MLIP: variants seen among roughly 807,000 people sequenced by gnomAD.
The protein encoded by MLIP is muscular LMNA interacting protein.
In MLIP, 79 loss-of-function variants were observed where a neutral mutation model predicts 84.8. The ratio of observed to expected loss-of-function variants is 0.93; its 90% confidence interval spans 0.78 to 1.12. MLIP has a LOEUF of 1.12. MLIP is among the 50% of genes most tolerant of loss of function. MLIP has a pLI of 0.00. For missense variants in MLIP, 1,257 were observed against 1,160.6 expected, an observed-to-expected ratio of 1.08 and a Z score of -1.21; for synonymous variants, 504 against 463.0, an observed-to-expected ratio of 1.09 and a Z score of -1.14.
intron 9 of MLIP, among the ~76,000 whole-genome samples, chr6:54,183,689 G>A (rs1432883207): frequency 6.6e-6 from 1 of 151,452 alleles, no homozygotes; most frequent in African/African-American, 2.4e-5. Flanking sequence ...GATATTATGA[G>A]GGGCGTATTA....
At chr6:54,069,818 T>C (rs12525501) in intron 1 of MLIP, among the ~76,000 whole-genome samples, 3,122 of 99,918 alleles carry the variant, frequency 0.031, 1,063 homozygotes, top group Admixed American at 0.25. Context: ...TCAACTGTAT[T>C]TTTAATTTGA....
intron 3 of MLIP, among the ~76,000 whole-genome samples, chr6:54,128,835 ATACATG>A (rs1321010872): frequency 4.6e-5 from 7 of 152,174 alleles, no homozygotes; most frequent in African/African-American, 1.7e-4. Flanking sequence ...AAATGAGATA[ATACATG>A]TAAAGTGCCT....
intron 1 of MLIP, among the ~76,000 whole-genome samples, 192 bp downstream of exon 1, chr6:54,111,767 GA>G (rs1769486267): frequency 1.3e-5 from 2 of 152,172 alleles, no homozygotes; most frequent in African/African-American, 4.8e-5. Context: ...ATTGGGCAAA[GA>G]AAATGCTCAG....
At chr6:54,097,441 A>G (rs985860165) in intron 1 of MLIP, among the ~76,000 whole-genome samples, 2 of 152,220 alleles carry the variant, frequency 1.3e-5, no homozygotes, top group South Asian at 2.1e-4. Flanking sequence ...GAGGCTGAAG[A>G]GTATCCCTTC....
Position 54,185,324 on chromosome 6 carries a change from T to C in MLIP, c.2545-4546T>C, listed in dbSNP as rs146424167. Among the ~76,000 whole-genome samples, 1,023 of 152,274 alleles carry C rather than the reference T, an allele frequency of 6.7e-3. 33 individuals carry two copies. Among genetic ancestry groups the C allele is most frequent in the Admixed American group, 0.06 (915 of 15,300 alleles). On this transcript the variant is annotated intron_variant, in intron 9 of 13. Coordinates refer to ENST00000502396, the MANE Select transcript of MLIP (RefSeq NM_001281747.2). ...TAGTATTATGCATATCCACTCCACA[T>C]TGTGGTTTACATTTAATTTTGCACT...
At chr6:54,028,248 T>A (rs992002042) in intron 1 of MLIP, among the ~76,000 whole-genome samples, 20 of 152,184 alleles carry the variant, frequency 1.3e-4, no homozygotes, top group Admixed American at 5.9e-4. Flanking sequence ...GGGTATTTTC[T>A]TGCATGGGTA....
At chr6:54,249,617 A>G (rs926497748) in intron 12 of MLIP, among the ~76,000 whole-genome samples, 6 of 151,738 alleles carry the variant, frequency 4.0e-5, no homozygotes, top group African/African-American at 1.5e-4. Flanking sequence ...AAAACCAATC[A>G]ACTAGTGTTT....
In MLIP at chr6:54,135,046, T is replaced by A. The variant is rs183061715; in HGVS notation, c.646-1669T>A. On this transcript the variant is annotated intron_variant, in intron 3 of 13. Transcript: ENST00000502396. Reference sequence around the variant, plus strand: ...AAAGAACAATTTCTTAAACATTAATTATGTATTTAACTAAAATGATTGCAT... The same window carrying A: ...AAAGAACAATTTCTTAAACATTAATAATGTATTTAACTAAAATGATTGCAT... 7.2e-5 allele frequency among the ~76,000 whole-genome samples: 11 copies of A among 152,192 alleles called. 1 individual carries two copies. In the East Asian group the frequency reaches 2.1e-3, roughly 29 times the overall value.
intron 13 of MLIP, among the ~76,000 whole-genome samples, chr6:54,264,285 A>C (rs186607827): frequency 0.011 from 1,704 of 152,182 alleles, 23 homozygotes; most frequent in South Asian, 0.018. Context: ...CATCTACATC[A>C]TATATGCTCA....
intron 4 of MLIP, among the ~76,000 whole-genome samples, chr6:54,140,060 A>G (rs1276611462): frequency 6.6e-6 from 1 of 152,184 alleles, no homozygotes; most frequent in African/African-American, 2.4e-5. Flanking sequence ...TATTTTAAAT[A>G]CATATATGTG....
chr6:54,090,876 T>G (rs1250974483), intron 1 of MLIP, among the ~76,000 whole-genome samples: 1 of 152,202 alleles, frequency 6.6e-6, no homozygotes, highest in African/African-American at 2.4e-5. Context: ...ACAAAGTGAC[T>G]TTGTTAATGA....
chr6:54,230,973 T>C (rs1423112428), intron 12 of MLIP, 56 bp downstream of exon 12: 3 of 1,508,322 alleles, frequency 2.0e-6, no homozygotes, highest in Non-Finnish European at 1.8e-6. Context: ...TTCATTACGC[T>C]TGACTTTTAA....
intron 13 of MLIP, among the ~76,000 whole-genome samples, chr6:54,258,121 A>G (rs779034278): frequency 1.4e-4 from 22 of 152,074 alleles, no homozygotes; most frequent in Non-Finnish European, 3.1e-4. Context: ...TAAAAAACTT[A>G]TCTCTGAGAA....
Position 54,138,144 on chromosome 6 carries a change from T to G in MLIP, c.2075T>G (p.Leu692Arg), listed in dbSNP as rs1289419077. ...GGCAGTGGTACCTTGCCTTCAAGAC[T>G]TGGGAAATCTGAAAGCACCACCCCC... ...HCGSGTLPSR[L>R]GKSESTTPNH... is the part of the protein sequence containing the mutation. The change falls in exon 4 of 14, where the codon CTT becomes CGT. Residue 692 changes from leucine (L) to arginine (R), a missense_variant. By Grantham distance (102) the Leu-to-Arg change is moderately radical. Coordinates refer to ENST00000502396, the MANE Select transcript of MLIP (RefSeq NM_001281747.2). The G allele has an allele frequency of 3.9e-6, 6 of 1,535,966 alleles. No individual in the cohort carries two copies. Among genetic ancestry groups the G allele is most frequent in the Non-Finnish European group, 4.4e-6 (5 of 1,146,888 alleles).
At chr6:54,162,798 G>A (rs1774784480) in intron 8 of MLIP, among the ~76,000 whole-genome samples, 1 of 152,006 alleles carries the variant, frequency 6.6e-6, no homozygotes, top group Non-Finnish European at 1.5e-5. Flanking sequence ...TGTGTTTGAA[G>A]CTGATCAGAG....
At chr6:54,263,598 T>A (rs1783521107) in intron 13 of MLIP, among the ~76,000 whole-genome samples, 1 of 152,092 alleles carries the variant, frequency 6.6e-6, no homozygotes, top group African/African-American at 2.4e-5. Context: ...TATTTGATGT[T>A]GCATTTAATG....
intron 12 of MLIP, among the ~76,000 whole-genome samples, chr6:54,250,121 A>G (rs1314213172): frequency 6.6e-6 from 1 of 152,124 alleles, no homozygotes; most frequent in Non-Finnish European, 1.5e-5. Flanking sequence ...GCCCAGCATC[A>G]CTGATCATTA....
At chr6:54,107,210 T>C (rs574152581), upstream of MLIP, among the ~76,000 whole-genome samples, 33 of 152,330 alleles carry the variant, frequency 2.2e-4, no homozygotes, top group South Asian at 8.3e-4. Context: ...ACTACTGATA[T>C]CTTTTTAAAC....
At chr6:54,034,494 C>T (rs989445568) in intron 1 of MLIP, among the ~76,000 whole-genome samples, 6 of 151,956 alleles carry the variant, frequency 3.9e-5, no homozygotes, top group South Asian at 2.1e-4. Flanking sequence ...GCTCCTCCTG[C>T]GTAGGCCTAA....
Sources: allele counts gnomAD v4.1 joint callset (sites outside exome capture counted in the v4.1 genomes callset), GRCh38; gene constraint gnomAD v4.1.1; transcripts MANE v1.5; gene names NCBI Gene and HGNC (gene_info 2026-07-23, HGNC 2026-07-21).